Variants in HDAC11 observed in about 807,000 individuals in gnomAD.
HDAC11 encodes the protein histone deacetylase 11.
Under a neutral mutation model 41.1 loss-of-function variants are expected in HDAC11, and 23 were observed. The observed-to-expected ratio is 0.56, with a 90% confidence interval of 0.40 to 0.79. The LOEUF is 0.79. Among genes scored for constraint, HDAC11 ranks in the 30% least tolerant of loss-of-function variants. HDAC11 has a pLI of 0.00. For missense variants in HDAC11, 402 were observed against 477.3 expected (o/e 0.84, Z 1.47); for synonymous variants, 187 against 186.6 (o/e 1.00, Z -0.02).
At chr3:13,499,194 A>T (rs191596882) in intron 5 of HDAC11, among the ~76,000 whole-genome samples, 454 of 152,258 alleles carry the variant, frequency 3.0e-3, no homozygotes, top group African/African-American at 1.0e-2. Flanking sequence ...TTCGAGACGT[A>T]GTTTCACTCT....
chr3:13,481,203 C>T, intron 1 of HDAC11, 43 bp from the exon 2 acceptor site: 1 of 1,588,558 alleles, frequency 6.3e-7, no homozygotes, highest in East Asian at 2.3e-5. Flanking sequence ...TGCTTTCTGC[C>T]GAGGCTGCCC....
intron 3 of HDAC11, among the ~76,000 whole-genome samples, chr3:13,487,861 AT>A (rs1363469761): frequency 6.6e-6 from 1 of 152,002 alleles, no homozygotes; most frequent in Non-Finnish European, 1.5e-5. Flanking sequence ...ATGAGATAAT[AT>A]GTTAGATGGT....
At chr3:13,489,000 A>G (rs1701725646) in intron 3 of HDAC11, among the ~76,000 whole-genome samples, 1 of 152,070 alleles carries the variant, frequency 6.6e-6, no homozygotes, top group Non-Finnish European at 1.5e-5. Context: ...CATTTACCTA[A>G]TGGCTAATTA....
intron 3 of HDAC11, among the ~76,000 whole-genome samples, chr3:13,489,561 T>C (rs370332275): frequency 6.6e-6 from 1 of 152,316 alleles, no homozygotes; most frequent in South Asian, 2.1e-4. Context: ...ATTCTATTCA[T>C]TTTTTTGGTT....
At chr3:13,503,765 G>T (rs1042703259) in intron 8 of HDAC11, among the ~76,000 whole-genome samples, 4 of 152,130 alleles carry the variant, frequency 2.6e-5, no homozygotes, top group Non-Finnish European at 5.9e-5. Flanking sequence ...TTTCTGAACA[G>T]AACCTCACAT....
intron 3 of HDAC11, 27 bp from the exon 4 acceptor site, chr3:13,496,709 G>A: frequency 6.7e-7 from 1 of 1,494,880 alleles, no homozygotes. Context: ...GGAAGCGGAG[G>A]CCAACAGCCC....
At chr3:13,504,376 C>T (rs554963651) in intron 9 of HDAC11, 92 bp from the exon 10 acceptor site, 210 of 1,584,680 alleles carry the variant, frequency 1.3e-4, no homozygotes, top group Non-Finnish European at 1.7e-4. Context: ...ACTGAAGCAA[C>T]AGCAGTTTGG....
intron 3 of HDAC11, among the ~76,000 whole-genome samples, chr3:13,488,030 T>C (rs993762039): frequency 1.3e-5 from 2 of 151,132 alleles, no homozygotes; most frequent in Non-Finnish European, 2.9e-5. Flanking sequence ...TGTGGTCATC[T>C]GGGGAAGGGC....
intron 4 of HDAC11, among the ~76,000 whole-genome samples, chr3:13,497,108 C>G (rs1285017336): frequency 6.6e-6 from 1 of 152,152 alleles, no homozygotes; most frequent in Admixed American, 6.5e-5. Context: ...TAATATACCT[C>G]TCCACCCACC....
In HDAC11 at chr3:13,505,024, G is replaced by A. The variant is rs1702555437; in HGVS notation, c.*341G>A. ...AGGGCCCTGGGCTTGGGGTGTTCTGGTTTTGAGAACGGCAGACCCAGGTCG... is the reference window on the plus strand; with the variant it reads ...AGGGCCCTGGGCTTGGGGTGTTCTGATTTTGAGAACGGCAGACCCAGGTCG... On this transcript the variant is annotated 3_prime_UTR_variant, in exon 10 of 10. Transcript: ENST00000295757. The A allele has an allele frequency of 2.8e-6, 1 of 351,944 alleles. No individual in the cohort carries two copies. The highest frequency in any genetic ancestry group is 5.4e-6 in the Non-Finnish European group (1 of 186,878). 21.8% of individuals were successfully genotyped at this position (351,944 alleles called of 1,614,324 possible).
intron 2 of HDAC11, among the ~76,000 whole-genome samples, chr3:13,482,518 C>T (rs867120062): frequency 1.3e-5 from 2 of 152,136 alleles, no homozygotes; most frequent in Admixed American, 1.3e-4. Flanking sequence ...CGCAGTGGCT[C>T]GTGCCTGTAA....
At chr3:13,491,106 G>GTC (rs539555095) in intron 3 of HDAC11, among the ~76,000 whole-genome samples, 3,778 of 145,656 alleles carry the variant, frequency 0.026, 70 homozygotes, top group Middle Eastern at 0.066. Context: ...GTGTGTGTGT[G>GTC]TGTGTGTATT....
chr3:13,496,445 G>C (rs1209660559), intron 3 of HDAC11: 1 of 299,568 alleles, frequency 3.3e-6, no homozygotes, highest in East Asian at 9.4e-5. Flanking sequence ...TGCACCTCCT[G>C]TTCTGGGCAC....
At chr3:13,503,356 G>A in intron 8 of HDAC11, 1 of 177,482 alleles carries the variant, frequency 5.6e-6, no homozygotes, top group Non-Finnish European at 1.2e-5. Flanking sequence ...CCTGAGGTCG[G>A]GAGTTTGAGA....
chr3:13,492,816 T>G (rs1218940742), intron 3 of HDAC11, among the ~76,000 whole-genome samples: 1 of 152,142 alleles, frequency 6.6e-6, no homozygotes, highest in Non-Finnish European at 1.5e-5. Flanking sequence ...AGTTCTGGGA[T>G]TACAGATGTA....
At position 13,498,533 on chromosome 3, in the gene HDAC11, G is replaced by C. The variant is rs1329859258; in HGVS notation, c.390G>C (p.Glu130Asp). 2 of 1,614,014 alleles carry C rather than the reference G, an allele frequency of 1.2e-6. No homozygotes were observed. The highest frequency in any genetic ancestry group is 2.2e-5 in the South Asian group (2 of 91,082). The change falls in exon 5 of 10, where the codon GAG becomes GAC. Residue 130 changes from glutamate (E) to aspartate (D), a missense_variant. Physicochemically the swap from Glu to Asp is conservative, Grantham distance 45. Transcript: ENST00000295757. The stretch of plus-strand genomic sequence containing the variant: ...CAAAGGCGGGGAAGCTGGCTGTGGA[G>C]CGAGGCTGGGCCATCAACGTGGGTG... ...GTIMAGKLAV[E>D]RGWAINVGGG...
intron 4 of HDAC11, among the ~76,000 whole-genome samples, chr3:13,498,151 T>G (rs183745513): frequency 1.7e-4 from 26 of 152,340 alleles, no homozygotes; most frequent in Non-Finnish European, 3.7e-4. Flanking sequence ...CCACTGCGCC[T>G]GGCCCAGTCT....
At chr3:13,484,327 A>C (rs898888291) in intron 3 of HDAC11, among the ~76,000 whole-genome samples, 1 of 152,118 alleles carries the variant, frequency 6.6e-6, no homozygotes, top group African/African-American at 2.4e-5. Flanking sequence ...AGTTTTGTTG[A>C]AAATTGTTGG....
At chr3:13,500,149 G>C (rs531706399) in intron 5 of HDAC11, among the ~76,000 whole-genome samples, 1 of 152,212 alleles carries the variant, frequency 6.6e-6, no homozygotes, top group Admixed American at 6.5e-5. Context: ...CGGAGCAGTT[G>C]TTGGGCTCAA....
Sources: allele counts gnomAD v4.1 joint callset (sites outside exome capture counted in the v4.1 genomes callset), GRCh38; gene constraint gnomAD v4.1.1; transcripts MANE v1.5; gene names NCBI Gene and HGNC (gene_info 2026-07-23, HGNC 2026-07-21).